The following KIFC3 variants were observed in gnomAD, a reference collection of about 807,000 sequenced individuals.
KIFC3 encodes kinesin-like protein KIFC3.
A neutral mutation model predicts 101.8 loss-of-function variants in KIFC3; 60 were observed. The observed-to-expected ratio is 0.59, with a 90% CI of 0.48 to 0.73. The LOEUF (loss-of-function observed/expected upper bound fraction) is 0.73. KIFC3 is among the 30% of genes least tolerant of loss of function. The pLI is 0.00. For missense variants in KIFC3, 966 were observed against 1,137.1 expected, an observed-to-expected ratio of 0.85 and a Z score of 2.16; for synonymous variants, 476 against 482.7, an observed-to-expected ratio of 0.99 and a Z score of 0.18.
Position 57,758,673 on chromosome 16 carries a change from A to G in KIFC3, c.*261T>C. On this transcript the variant is annotated 3_prime_UTR_variant, in exon 20 of 20. Coordinates refer to ENST00000445690, the MANE Select transcript of KIFC3 (RefSeq NM_001130100.2). ...CGCTGATGGCCCAGGCCTGCCAGGA[A>G]GAGCAGCCACCCCCGCCTTTCCGCC... The G allele has an allele frequency of 1.4e-6, 1 of 711,002 alleles. No homozygotes were observed. The highest frequency in any genetic ancestry group is 2.5e-6 in the Non-Finnish European group (1 of 393,554). The allele number at this position is 711,002 out of a possible 1,614,324, so 44.0% of individuals were successfully genotyped here. A position where few individuals can be genotyped will look rare whatever the true frequency, so the allele number is the denominator to read the frequency against.
chr16:57,783,387 T>C (rs1055138902), intron 3 of KIFC3, among the ~76,000 whole-genome samples: 13 of 149,618 alleles, frequency 8.7e-5, no homozygotes, highest in Non-Finnish European at 1.9e-4. Flanking sequence ...CTTAATATAC[T>C]TACCACCGAC....
chr16:57,803,695 G>C (rs781973497), upstream of KIFC3, among the ~76,000 whole-genome samples: 6 of 152,240 alleles, frequency 3.9e-5, no homozygotes, highest in Non-Finnish European at 7.3e-5. Context: ...AAGCAGCCTA[G>C]TGCATGCTTT....
At chr16:57,812,334 G>T (rs1475306673) in intron 1 of KIFC3, among the ~76,000 whole-genome samples, 1 of 140,012 alleles carries the variant, frequency 7.1e-6, no homozygotes, top group South Asian at 2.4e-4. Context: ...GAGCCACTGC[G>T]CCCAGCCCCC....
At chr16:57,767,466 G>A in intron 9 of KIFC3, among the ~76,000 whole-genome samples, 1 of 152,170 alleles carries the variant, frequency 6.6e-6, no homozygotes, top group East Asian at 1.9e-4. Flanking sequence ...CACACATACA[G>A]TATCACACTG....
chr16:57,772,325 T>C, intron 3 of KIFC3, 37 bp from the exon 4 acceptor site: 1 of 1,579,722 alleles, frequency 6.3e-7, no homozygotes, highest in Non-Finnish European at 8.7e-7. Flanking sequence ...TGAGCCTCAG[T>C]CCTCAGCTCC....
In KIFC3 at chr16:57,769,993, C is replaced by G; in HGVS notation, c.940-38G>C. 6.3e-7 allele frequency: 1 copy of G among 1,592,544 alleles called. No individual in the cohort carries two copies. The highest frequency in any genetic ancestry group is 8.5e-7 in the Non-Finnish European group (1 of 1,173,948). ...GGAAAAGGCTCAGTACCTCGAGGTG[C>G]GGGAGAGAGAGGGGCAGGTGCCACA... On this transcript the variant is annotated intron_variant, in intron 7 of 19. Coordinates refer to ENST00000445690, the MANE Select transcript of KIFC3 (RefSeq NM_001130100.2). The surrounding 1 kb of genome is among the most constrained non-coding windows in gnomAD (Gnocchi z 4.3).
intron 1 of KIFC3, among the ~76,000 whole-genome samples, chr16:57,847,547 A>G (rs1294018991): frequency 6.6e-6 from 1 of 152,094 alleles, no homozygotes; most frequent in Non-Finnish European, 1.5e-5. Flanking sequence ...TGGATAGAAA[A>G]AGATTAGAGA....
intron 2 of KIFC3, chr16:57,797,604 TTCCCGAGCAGCCTCGGTCCAC>T: frequency 2.5e-6 from 2 of 791,562 alleles, no homozygotes; most frequent in Non-Finnish European, 3.1e-6. Context: ...CCAGGCCACG[TTCCCGAGCAGCCTCGGTCCAC>T]TCCCAACGCC....
At position 57,761,446 on chromosome 16, in the gene KIFC3, C is replaced by T; in HGVS notation, c.1839G>A (p.Glu613=). 2 of 1,614,108 alleles carry T rather than the reference C, an allele frequency of 1.2e-6. No homozygotes were observed. The highest frequency in any genetic ancestry group is 1.7e-6 in the Non-Finnish European group (2 of 1,179,950). The part of the protein sequence containing the change: ...SGQLYVPGLT[E]FQVQSVDDIN... ...TGTCGTCCACGCTCTGCACTTGGAA[C>T]TCAGTCAGCCCTGGTACATACAGCT... The change falls in exon 14 of 20, where the codon GAG becomes GAA. Residue 613 remains glutamate, a synonymous_variant. Coordinates refer to ENST00000445690, the MANE Select transcript of KIFC3 (RefSeq NM_001130100.2).
At chr16:57,781,825 G>T in intron 3 of KIFC3, 1 of 579,122 alleles carries the variant, frequency 1.7e-6, no homozygotes, top group Non-Finnish European at 2.2e-6. Context: ...TTAAGCCTTG[G>T]TTAGGCAACT....
At chr16:57,840,110 G>A (rs1250747386) in intron 1 of KIFC3, among the ~76,000 whole-genome samples, 1 of 152,120 alleles carries the variant, frequency 6.6e-6, no homozygotes, top group African/African-American at 2.4e-5. Context: ...GGCCAAGGTA[G>A]GCGGATCACC....
In KIFC3 at chr16:57,847,029, G is replaced by A. The variant is rs187191050; in HGVS notation, c.108+15700C>T. Among the ~76,000 whole-genome samples the A allele has an allele frequency of 6.6e-3, 995 of 151,630 alleles. 14 individuals are homozygous for A. Among genetic ancestry groups the A allele is most frequent in the African/African-American group, 0.023 (944 of 41,346 alleles). ...GTGAAACCCCATCTCTACTAAAAAT[G>A]CAAAAATTAGCCACGTGTGCTGGCG... On this transcript the variant is annotated intron_variant, in intron 1 of 2. Coordinates refer to the KIFC3 transcript ENST00000563028.
chr16:57,770,463 C>A, intron 7 of KIFC3, 64 bp downstream of exon 7: 1 of 1,312,472 alleles, frequency 7.6e-7, no homozygotes, highest in Non-Finnish European at 9.8e-7. Context: ...TTAACCGATG[C>A]ATTGGCCCAA....
chr16:57,860,283 G>A (rs1318218152), intron 1 of KIFC3, among the ~76,000 whole-genome samples: 4 of 151,786 alleles, frequency 2.6e-5, no homozygotes, highest in East Asian at 2.0e-4. Context: ...GTGAAACCCC[G>A]TCTCTACTAA....
At chr16:57,860,027 T>TAAAATAAAAC (rs2056262013) in intron 1 of KIFC3, among the ~76,000 whole-genome samples, 7 of 47,846 alleles carry the variant, frequency 1.5e-4, no homozygotes, top group South Asian at 6.4e-4. Context: ...GTCTCAAAAA[T>TAAAATAAAAC]AAAATAAAAT....
At chr16:57,850,465 G>GTTTTTTTTT (rs373157438) in intron 1 of KIFC3, among the ~76,000 whole-genome samples, 13 of 84,108 alleles carry the variant, frequency 1.5e-4, no homozygotes, top group East Asian at 4.1e-4. Flanking sequence ...TTTAAAAAGG[G>GTTTTTTTTT]TTTTTTTTTT....
chr16:57,862,699 C>A (rs534279616), intron 1 of KIFC3: 3 of 1,027,000 alleles, frequency 2.9e-6, no homozygotes, highest in South Asian at 2.8e-5. Context: ...TCCTCCCATT[C>A]CCACTGCCCC....
intron 13 of KIFC3, 48 bp downstream of exon 13, chr16:57,762,092 C>T (rs2049930988): frequency 2.6e-6 from 4 of 1,531,820 alleles, no homozygotes; most frequent in Non-Finnish European, 3.5e-6. Flanking sequence ...CCCCGGAGGA[C>T]CCCAAAGCTG....
rs868966037 is a variant in KIFC3 at position 57,785,741 on chromosome 16, A to C, written c.315+9258T>G. ...GCAGAGGAGGGGGTCCATCACAGCA[A>C]GACAGACCACCAGGGATGATAGAGG... On this transcript the variant is annotated intron_variant, in intron 3 of 19. Transcript: ENST00000445690. The C allele has an allele frequency of 1.1e-4, 95 of 900,786 alleles. 1 individual carries two copies. The Middle Eastern group carries it at 8.5e-3, about 81-fold the overall frequency. The allele number at this position is 900,786 out of a possible 1,614,324, so 55.8% of individuals were successfully genotyped here. A position where few individuals can be genotyped will look rare whatever the true frequency, so the allele number is the denominator to read the frequency against.
Sources: gnomAD v4.1 joint callset for allele counts (sites outside exome capture counted in the v4.1 genomes callset) on GRCh38, gnomAD v4.1.1 for gene constraint, Gnocchi (gnomAD v3.1) non-coding constraint, MANE v1.5 for transcripts, NCBI Gene and HGNC (gene_info 2026-07-23, HGNC 2026-07-21) for gene names.